The following CNTNAP2 variants were observed in gnomAD, a reference collection of about 807,000 sequenced individuals.
CNTNAP2 encodes contactin-associated protein-like 2.
A neutral mutation model predicts 155.2 loss-of-function variants in CNTNAP2; 98 were observed. That is an observed-to-expected ratio of 0.63 (90% confidence interval 0.54 to 0.75). The LOEUF is 0.75. CNTNAP2 is among the 30% of genes least tolerant of loss of function. The pLI, the probability that CNTNAP2 is intolerant of heterozygous loss-of-function variation, is 0.00. For synonymous variants in CNTNAP2, 651 were observed against 631.2 expected, an observed-to-expected ratio of 1.03 and a Z score of -0.47; for missense variants, 1,727 against 1,688.1, an observed-to-expected ratio of 1.02 and a Z score of -0.40.
At chr7:147,920,805 CTTTT>C (rs1219556681) in intron 14 of CNTNAP2, among the ~76,000 whole-genome samples, 5 of 100,650 alleles carry the variant, frequency 5.0e-5, no homozygotes, top group Admixed American at 1.2e-4. Flanking sequence ...CTGCTCCTGT[CTTTT>C]TTTTTTTTTT....
chr7:147,343,412 A>G (rs998050653), intron 9 of CNTNAP2, among the ~76,000 whole-genome samples: 4 of 152,146 alleles, frequency 2.6e-5, no homozygotes, highest in Non-Finnish European at 4.4e-5. Context: ...CCCAAGCAAT[A>G]AAATATGGCT....
chr7:147,017,696 T>C (rs1257215715), intron 3 of CNTNAP2, among the ~76,000 whole-genome samples: 1 of 151,648 alleles, frequency 6.6e-6, no homozygotes, highest in Non-Finnish European at 1.5e-5. Flanking sequence ...TACAATACAC[T>C]CTCAAGTCTA....
chr7:147,368,458 TATAGAGTGTC>T (rs1335997374), intron 9 of CNTNAP2, among the ~76,000 whole-genome samples: 7 of 151,944 alleles, frequency 4.6e-5, no homozygotes, highest in Non-Finnish European at 7.4e-5. Context: ...TTACTTGAAA[TATAGAGTGTC>T]TAATATTTTG....
intron 1 of CNTNAP2, among the ~76,000 whole-genome samples, chr7:146,203,315 G>T (rs1798896395): frequency 6.6e-6 from 1 of 152,148 alleles, no homozygotes; most frequent in African/African-American, 2.4e-5. Flanking sequence ...TCTTTCTGAT[G>T]GACAAGCTAC....
At chr7:146,223,431 T>C (rs1008004281) in intron 1 of CNTNAP2, among the ~76,000 whole-genome samples, 3 of 152,198 alleles carry the variant, frequency 2.0e-5, no homozygotes, top group Non-Finnish European at 4.4e-5. Context: ...GAAGAGACTT[T>C]GATCTAGAAC....
At chr7:146,245,121 G>A (rs1799624266) in intron 1 of CNTNAP2, among the ~76,000 whole-genome samples, 3 of 152,142 alleles carry the variant, frequency 2.0e-5, no homozygotes, top group African/African-American at 7.2e-5. Flanking sequence ...ATTAGGCCTG[G>A]TGGAACTGCC....
At chr7:146,860,988 T>C (rs1190129711) in intron 3 of CNTNAP2, among the ~76,000 whole-genome samples, 1 of 152,144 alleles carries the variant, frequency 6.6e-6, no homozygotes, top group Non-Finnish European at 1.5e-5. Context: ...GGCTAGAATT[T>C]TTTTCTTGTT....
chr7:147,818,119 A>G (rs1345083905), intron 13 of CNTNAP2, among the ~76,000 whole-genome samples: 1 of 152,014 alleles, frequency 6.6e-6, no homozygotes, highest in Non-Finnish European at 1.5e-5. Context: ...GTTTTCTACA[A>G]AGAGGTATAA....
At chr7:146,858,221 G>A (rs1562975884) in intron 3 of CNTNAP2, among the ~76,000 whole-genome samples, 1 of 152,174 alleles carries the variant, frequency 6.6e-6, no homozygotes, top group Non-Finnish European at 1.5e-5. Context: ...TCCTTGGAGA[G>A]AGTTGTCAGG....
chr7:147,484,540 T>C (rs1327981327), intron 10 of CNTNAP2, among the ~76,000 whole-genome samples: 1 of 152,230 alleles, frequency 6.6e-6, no homozygotes, highest in Non-Finnish European at 1.5e-5. Flanking sequence ...GTCGTAGTCA[T>C]CTTCTATTTT....
intron 11 of CNTNAP2, among the ~76,000 whole-genome samples, chr7:147,527,015 C>CTTTTCTTTTTTTTTTTTTTTTTTTTTTT (rs1562981280): frequency 3.1e-5 from 2 of 65,182 alleles, no homozygotes; most frequent in Non-Finnish European, 5.2e-5. Context: ...ACAGGCATTT[C>CTTTTCTTTTTTTTTTTTTTTTTTTTTTT]TTTTTTTTTT....
intron 10 of CNTNAP2, among the ~76,000 whole-genome samples, chr7:147,482,013 G>A (rs1415840377): frequency 6.6e-6 from 1 of 151,982 alleles, no homozygotes; most frequent in African/African-American, 2.4e-5. Context: ...CTTGTTTCTT[G>A]GTGGTGTAAC....
chr7:148,298,613 A>T (rs891573765), intron 21 of CNTNAP2, among the ~76,000 whole-genome samples: 1 of 152,186 alleles, frequency 6.6e-6, no homozygotes, highest in Non-Finnish European at 1.5e-5. Context: ...ACAATACTTT[A>T]CATCCAACCA....
At chr7:147,287,656 C>A (rs1290225473) in intron 8 of CNTNAP2, among the ~76,000 whole-genome samples, 1 of 152,038 alleles carries the variant, frequency 6.6e-6, no homozygotes, top group African/African-American at 2.4e-5. Flanking sequence ...ACATTTTTTT[C>A]TTGAGCTCCA....
At chr7:147,026,556 A>T (rs951931456) in intron 3 of CNTNAP2, among the ~76,000 whole-genome samples, 14 of 151,786 alleles carry the variant, frequency 9.2e-5, no homozygotes, top group African/African-American at 3.4e-4. Flanking sequence ...TGAATACATC[A>T]TCTCAAATAA....
intron 12 of CNTNAP2, among the ~76,000 whole-genome samples, chr7:147,628,947 T>G (rs1214267826): frequency 1.3e-5 from 2 of 150,856 alleles, no homozygotes; most frequent in African/African-American, 2.4e-5. Context: ...ATATCACAAT[T>G]CTAAATATAT....
At chr7:147,462,445 T>G (rs1798041201) in intron 10 of CNTNAP2, among the ~76,000 whole-genome samples, 4 of 152,362 alleles carry the variant, frequency 2.6e-5, no homozygotes, top group African/African-American at 9.6e-5. Flanking sequence ...AGAAAGCATT[T>G]CATTTTCCAG....
At chr7:146,936,856 C>T (rs1796926518) in intron 3 of CNTNAP2, among the ~76,000 whole-genome samples, 1 of 152,134 alleles carries the variant, frequency 6.6e-6, no homozygotes, top group Non-Finnish European at 1.5e-5. Flanking sequence ...CTTCTTCCAC[C>T]ATGTGGCTGT....
intron 4 of CNTNAP2, among the ~76,000 whole-genome samples, chr7:147,060,874 T>A (rs369604194): frequency 0.12 from 17,281 of 149,100 alleles, 465 homozygotes; most frequent in Middle Eastern, 0.19. Flanking sequence ...AAAAAAAAAA[T>A]AGAAAAAGAA....
Sources: gnomAD v4.1 joint callset for allele counts (sites outside exome capture counted in the v4.1 genomes callset) on GRCh38, gnomAD v4.1.1 for gene constraint, MANE v1.5 for transcripts, NCBI Gene and HGNC (gene_info 2026-07-23, HGNC 2026-07-21) for gene names.